The following SBF2 variants were observed in gnomAD, a reference collection of about 807,000 sequenced individuals.
SBF2 encodes the protein SET binding factor 2, also known as myotubularin-related protein 13.
SBF2 carries 112 observed loss-of-function variants against 225.2 expected under a neutral mutation model. That is an observed-to-expected ratio of 0.50 (90% CI 0.43 to 0.58). The LOEUF (loss-of-function observed/expected upper bound fraction) is 0.58, where lower values mean the gene tolerates loss of function less well. Among genes scored for constraint, SBF2 ranks in the 20% least tolerant of loss-of-function variants. The pLI is 0.00. For missense variants in SBF2, 1,996 were observed against 2,206.2 expected, an observed-to-expected ratio of 0.90 and a Z score of 1.91; for synonymous variants, 763 against 773.3, an observed-to-expected ratio of 0.99 and a Z score of 0.22.
At chr11:9,927,420 C>A (rs2134245032) in intron 16 of SBF2, among the ~76,000 whole-genome samples, 2 of 152,254 alleles carry the variant, frequency 1.3e-5, no homozygotes, top group East Asian at 3.9e-4. Flanking sequence ...CAAAACCAGA[C>A]ACAGAAATTA....
chr11:10,078,408 A>G (rs1417186981), intron 2 of SBF2, among the ~76,000 whole-genome samples: 1 of 152,248 alleles, frequency 6.6e-6, no homozygotes, highest in Non-Finnish European at 1.5e-5. Context: ...GAGTGGATAA[A>G]GAAAATGTGG....
At chr11:9,932,209 A>G (rs1864546080) in intron 16 of SBF2, among the ~76,000 whole-genome samples, 2 of 152,248 alleles carry the variant, frequency 1.3e-5, no homozygotes, top group African/African-American at 4.8e-5. Context: ...AACACTCTTC[A>G]GGATATCATC....
chr11:9,966,694 C>T (rs1866936386), intron 14 of SBF2, among the ~76,000 whole-genome samples: 1 of 152,002 alleles, frequency 6.6e-6, no homozygotes, highest in African/African-American at 2.4e-5. Context: ...AGTATGCTTA[C>T]AACTCAATAA....
intron 17 of SBF2, among the ~76,000 whole-genome samples, chr11:9,871,892 C>T (rs1237963450): frequency 1.3e-5 from 2 of 152,044 alleles, no homozygotes; most frequent in African/African-American, 4.8e-5. Context: ...TAGTTCAACC[C>T]TTGTGGAAGA....
intron 2 of SBF2, among the ~76,000 whole-genome samples, chr11:10,050,437 T>G (rs1950018444): frequency 6.6e-6 from 1 of 152,160 alleles, no homozygotes; most frequent in Non-Finnish European, 1.5e-5. Flanking sequence ...GAACCCTATA[T>G]GTACTATGTT....
In SBF2 at chr11:9,968,536, T is replaced by C. The variant is rs1867115988; in HGVS notation, c.1405A>G (p.Asn469Asp). ...ACTTTCTGGAATGCCATATGAGGAT[T>C]TGGATTCTCCTGTAATATCAGACAT... ...AEQLFKNENP[N>D]PHMAFQKVPR... Residue 469 changes from asparagine to aspartate, a missense_variant, in exon 14 of 40, where the codon AAT becomes GAT. Asn to Asp is a conservative substitution (Grantham distance 23). Transcript: ENST00000256190. 1.9e-6 allele frequency: 3 copies of C among 1,613,424 alleles called. No individual in the cohort carries two copies. The highest frequency in any genetic ancestry group is 2.5e-6 in the Non-Finnish European group (3 of 1,179,482).
intron 22 of SBF2, 119 bp downstream of exon 22, chr11:9,849,904 C>T: frequency 1.1e-6 from 1 of 950,630 alleles, no homozygotes; most frequent in South Asian, 1.3e-5. Context: ...ACCAAAATAC[C>T]TGTGTGGCAA....
intron 16 of SBF2, among the ~76,000 whole-genome samples, chr11:9,949,707 G>A (rs1304175234): frequency 3.9e-5 from 6 of 151,940 alleles, no homozygotes; most frequent in Non-Finnish European, 7.4e-5. Context: ...ATAAGAAAAA[G>A]GGGCTTTTTT....
chr11:10,245,758 C>A (rs1168297903), intron 1 of SBF2, among the ~76,000 whole-genome samples: 1 of 152,150 alleles, frequency 6.6e-6, no homozygotes, highest in Non-Finnish European at 1.5e-5. Context: ...TGTCCATTGA[C>A]AGATAAATGG....
intron 16 of SBF2, among the ~76,000 whole-genome samples, chr11:9,942,891 A>AAGAGAG (rs754405397): frequency 1.5e-5 from 1 of 65,432 alleles, no homozygotes; most frequent in African/African-American, 4.5e-5. Context: ...AAAGAAAAGA[A>AAGAGAG]AGAGAGAGAG....
At chr11:10,032,751 T>A (rs930964127) in intron 3 of SBF2, among the ~76,000 whole-genome samples, 3 of 152,222 alleles carry the variant, frequency 2.0e-5, no homozygotes, top group African/African-American at 7.2e-5. Context: ...GGATTTCTGT[T>A]TTGTTCAACG....
Position 10,133,124 on chromosome 11 carries a change from T to A in SBF2, c.141+60778A>T, listed in dbSNP as rs549194551. On this transcript the variant is annotated intron_variant, in intron 2 of 39. Transcript: ENST00000256190. ...GAGCAGCTAGATACAGAGTGTCGAT[T>A]GGTGCACTCACAAACCTTGAGCTAA... Among the ~76,000 whole-genome samples, 12 of 149,282 alleles carry A rather than the reference T, an allele frequency of 8.0e-5. 1 individual carries two copies. The highest frequency in any genetic ancestry group is 2.7e-4 in the Admixed American group (4 of 14,750).
chr11:9,859,825 T>C (rs980790970), intron 17 of SBF2, among the ~76,000 whole-genome samples: 6 of 152,216 alleles, frequency 3.9e-5, no homozygotes, highest in African/African-American at 1.4e-4. Flanking sequence ...GCTGGGTGGT[T>C]GTGATTTTGC....
At chr11:9,886,031 T>C (rs1318485039) in intron 17 of SBF2, among the ~76,000 whole-genome samples, 3 of 152,174 alleles carry the variant, frequency 2.0e-5, no homozygotes, top group African/African-American at 7.2e-5. Flanking sequence ...CTTTACCTGT[T>C]TGTGGGAGGT....
Position 10,198,100 on chromosome 11 carries a change from T to C in SBF2, c.56-4113A>G, listed in dbSNP as rs538864345. Among the ~76,000 whole-genome samples, 31 of 152,380 alleles carry C rather than the reference T, an allele frequency of 2.0e-4. No homozygotes were observed. In the South Asian group the frequency reaches 5.6e-3, roughly 27 times the overall value. On this transcript the variant is annotated intron_variant, in intron 1 of 39. Transcript: ENST00000256190. The stretch of plus-strand genomic sequence containing the variant: ...CCTCCCATGAATTATGAAGTTATAA[T>C]GGCATCTAGAATGGTGAATCATTTC...
chr11:10,299,748 A>G (rs558224619), intron 1 of SBF2, among the ~76,000 whole-genome samples: 42 of 152,154 alleles, frequency 2.8e-4, no homozygotes, highest in African/African-American at 9.9e-4. Flanking sequence ...TGGGGGGACT[A>G]GACTCTCTGC....
chr11:9,922,657 G>A (rs1025135661), intron 16 of SBF2, among the ~76,000 whole-genome samples: 2 of 152,106 alleles, frequency 1.3e-5, no homozygotes, highest in Non-Finnish European at 2.9e-5. Context: ...CATCTGTAGT[G>A]TACTGAAAAA....
At chr11:9,922,069 G>C (rs916883746) in intron 16 of SBF2, among the ~76,000 whole-genome samples, 7 of 151,820 alleles carry the variant, frequency 4.6e-5, no homozygotes, top group Admixed American at 2.6e-4. Context: ...CAACATAGTG[G>C]GACTCCGATT....
chr11:10,100,928 T>A (rs1952273394), intron 2 of SBF2, among the ~76,000 whole-genome samples: 1 of 152,202 alleles, frequency 6.6e-6, no homozygotes, highest in Admixed American at 6.5e-5. Context: ...TCAGCAGACA[T>A]CTAAATCAGG....
Sources: allele counts gnomAD v4.1 joint callset (sites outside exome capture counted in the v4.1 genomes callset), GRCh38; gene constraint gnomAD v4.1.1; transcripts MANE v1.5; gene names NCBI Gene and HGNC (gene_info 2026-07-23, HGNC 2026-07-21).